The following PARD3B variants were observed in gnomAD, a reference collection of about 807,000 sequenced individuals.
PARD3B encodes par-3 family cell polarity regulator beta, also known as partitioning defective 3 homolog B.
A neutral mutation model predicts 130.2 loss-of-function variants in PARD3B; 103 were observed. The ratio of observed to expected loss-of-function variants is 0.79; its 90% CI spans 0.67 to 0.93. The LOEUF (loss-of-function observed/expected upper bound fraction) is 0.93. Ranked by LOEUF, PARD3B falls within the 40% of genes least tolerant of loss-of-function variation. The pLI is 0.00. For missense variants in PARD3B, 1,609 were observed against 1,499.2 expected (o/e 1.07, Z -1.21); for synonymous variants, 583 against 553.2 (o/e 1.05, Z -0.76).
At chr2:204,676,251 T>C (rs568135977) in intron 1 of PARD3B, among the ~76,000 whole-genome samples, 2 of 152,226 alleles carry the variant, frequency 1.3e-5, no homozygotes, top group African/African-American at 4.8e-5. Flanking sequence ...AGAGTATTTC[T>C]TTTACCTTGG....
intron 2 of PARD3B, among the ~76,000 whole-genome samples, chr2:204,902,978 C>T (rs530121425): frequency 1.1e-4 from 17 of 152,200 alleles, no homozygotes; most frequent in African/African-American, 4.1e-4. Context: ...GCCAAGATAT[C>T]CTGTGGCTGT....
chr2:204,723,901 C>T (rs756516541), intron 2 of PARD3B, among the ~76,000 whole-genome samples: 7 of 152,106 alleles, frequency 4.6e-5, no homozygotes, highest in Non-Finnish European at 8.8e-5. Flanking sequence ...CAAATTTCTT[C>T]TGGCAAGAAA....
intron 2 of PARD3B, among the ~76,000 whole-genome samples, chr2:204,741,860 T>A (rs2040022278): frequency 6.6e-6 from 1 of 152,050 alleles, no homozygotes; most frequent in African/African-American, 2.4e-5. Context: ...AAGCAATTTT[T>A]TTTTTCTTAA....
At chr2:205,155,495 A>G (rs1194864779) in intron 10 of PARD3B, among the ~76,000 whole-genome samples, 2 of 152,216 alleles carry the variant, frequency 1.3e-5, no homozygotes, top group Non-Finnish European at 2.9e-5. Flanking sequence ...TTTGTTTAGA[A>G]TAAACCACAG....
At chr2:205,203,905 AT>A (rs1559539297) in intron 15 of PARD3B, among the ~76,000 whole-genome samples, 1 of 152,228 alleles carries the variant, frequency 6.6e-6, no homozygotes, top group African/African-American at 2.4e-5. Flanking sequence ...TAGTGCCGCA[AT>A]AAACATACGT....
At chr2:204,595,259 G>A (rs1221487627) in intron 1 of PARD3B, among the ~76,000 whole-genome samples, 1 of 152,192 alleles carries the variant, frequency 6.6e-6, no homozygotes, top group Non-Finnish European at 1.5e-5. Context: ...ACTGCCCCTT[G>A]CCCCACTGGC....
chr2:205,296,093 G>A (rs1038325918), intron 16 of PARD3B, among the ~76,000 whole-genome samples: 12 of 152,114 alleles, frequency 7.9e-5, no homozygotes, highest in Non-Finnish European at 1.8e-4. Flanking sequence ...TTTAGAGGTG[G>A]TACAAAAGTG....
At chr2:205,527,317 C>G (rs1386997469) in intron 21 of PARD3B, among the ~76,000 whole-genome samples, 1 of 151,720 alleles carries the variant, frequency 6.6e-6, no homozygotes, top group Non-Finnish European at 1.5e-5. Flanking sequence ...AGGCCTTTGA[C>G]AAGGGGAAAA....
intron 2 of PARD3B, among the ~76,000 whole-genome samples, chr2:204,762,785 A>T: frequency 7.2e-6 from 1 of 139,438 alleles, no homozygotes; most frequent in Non-Finnish European, 1.5e-5. Context: ...TTTGAGACAG[A>T]GTTTCACTCT....
intron 2 of PARD3B, among the ~76,000 whole-genome samples, chr2:204,900,515 C>T (rs537386294): frequency 1.3e-5 from 2 of 152,008 alleles, no homozygotes; most frequent in Non-Finnish European, 2.9e-5. Context: ...TTTTGAATTC[C>T]TTCTCTGTGT....
chr2:204,639,272 G>T (rs2034992517), intron 1 of PARD3B, among the ~76,000 whole-genome samples: 1 of 152,090 alleles, frequency 6.6e-6, no homozygotes, highest in African/African-American at 2.4e-5. Flanking sequence ...GATTTTCTAG[G>T]TATTCTTATT....
chr2:204,714,635 T>C (rs2038633057), intron 2 of PARD3B, among the ~76,000 whole-genome samples: 1 of 152,200 alleles, frequency 6.6e-6, no homozygotes, highest in Admixed American at 6.5e-5. Flanking sequence ...GAAAACCAGA[T>C]ACAGCGAGAA....
chr2:204,839,003 T>C (rs2044165001), intron 2 of PARD3B, among the ~76,000 whole-genome samples: 1 of 152,014 alleles, frequency 6.6e-6, no homozygotes, highest in Admixed American at 6.5e-5. Flanking sequence ...ATTTTAACCA[T>C]GAAGTTAAAG....
intron 2 of PARD3B, among the ~76,000 whole-genome samples, chr2:204,803,163 A>ATATAT (rs35691294): frequency 1.1e-5 from 1 of 90,762 alleles, no homozygotes; most frequent in African/African-American, 3.6e-5. Flanking sequence ...AAAAAAAAAA[A>ATATAT]ATATATATAT....
In PARD3B at chr2:204,874,738, A is replaced by G. The variant is rs192857151; in HGVS notation, c.223-90414A>G. Among the ~76,000 whole-genome samples the G allele has an allele frequency of 3.2e-4, 48 of 152,232 alleles. 1 individual carries two copies. The highest frequency in any genetic ancestry group is 2.7e-3 in the Admixed American group (42 of 15,290). On this transcript the variant is annotated intron_variant, in intron 2 of 22. Transcript: ENST00000406610. ...CTAAGTTGCCATGTGCCTCTTTCCA[A>G]TTAGTTCTTCCCCACCCCTGAGGCA...
intron 2 of PARD3B, among the ~76,000 whole-genome samples, chr2:204,823,570 A>T (rs1203575087): frequency 1.3e-5 from 2 of 152,070 alleles, no homozygotes; most frequent in Non-Finnish European, 2.9e-5. Context: ...ATGCTTGTGG[A>T]TGCATACTGG....
At position 205,116,375 on chromosome 2, in the gene PARD3B, G is replaced by A. The variant is rs1166229204; in HGVS notation, c.681-2546G>A. 6.6e-6 allele frequency among the ~76,000 whole-genome samples: 1 copy of A among 152,140 alleles called. No homozygotes were observed. Among genetic ancestry groups the A allele is most frequent in the African/African-American group, 2.4e-5 (1 of 41,434 alleles). Reference sequence around the variant, plus strand: ...ATGTTCAAACCAAAATTCTAAGCTGGTAGAGTCACTGAGGCTGTGTGACAT... The same window carrying A: ...ATGTTCAAACCAAAATTCTAAGCTGATAGAGTCACTGAGGCTGTGTGACAT... On this transcript the variant is annotated intron_variant, in intron 6 of 22. Coordinates refer to ENST00000406610, the MANE Select transcript of PARD3B (RefSeq NM_001302769.2). The surrounding 1 kb of genome is among the most constrained non-coding windows in gnomAD (Gnocchi z 4.5).
intron 1 of PARD3B, among the ~76,000 whole-genome samples, chr2:204,619,451 A>C (rs779335903): frequency 3.9e-5 from 6 of 152,210 alleles, no homozygotes; most frequent in Non-Finnish European, 8.8e-5. Flanking sequence ...CACTAGTATC[A>C]AACAGTTTTA....
chr2:204,748,669 G>A (rs2040343560), intron 2 of PARD3B, among the ~76,000 whole-genome samples: 1 of 152,078 alleles, frequency 6.6e-6, no homozygotes, highest in South Asian at 2.1e-4. Flanking sequence ...GATTCAGTGG[G>A]TGTGGAGTAG....
Sources: allele counts gnomAD v4.1 joint callset (sites outside exome capture counted in the v4.1 genomes callset), GRCh38; gene constraint gnomAD v4.1.1; non-coding constraint Gnocchi (gnomAD v3.1); transcripts MANE v1.5; gene names NCBI Gene and HGNC (gene_info 2026-07-23, HGNC 2026-07-21).